MGAT4A: variants seen among roughly 807,000 people sequenced by gnomAD.
MGAT4A encodes N-acetylglucosaminyltransferase IVa.
In MGAT4A, 33 loss-of-function variants were observed where a neutral mutation model predicts 74.1. The ratio of observed to expected loss-of-function variants is 0.45; its 90% confidence interval spans 0.34 to 0.60. MGAT4A has a LOEUF of 0.60. Ranked by LOEUF, MGAT4A falls within the 20% of genes least tolerant of loss-of-function variation. MGAT4A has a pLI of 0.02. For missense variants in MGAT4A, 479 were observed against 628.3 expected, an observed-to-expected ratio of 0.76 and a Z score of 2.54; for synonymous variants, 198 against 210.4, an observed-to-expected ratio of 0.94 and a Z score of 0.51.
chr2:98,698,031 C>T (rs534283169), intron 2 of MGAT4A, among the ~76,000 whole-genome samples: 9 of 152,246 alleles, frequency 5.9e-5, no homozygotes, highest in African/African-American at 1.9e-4. Flanking sequence ...GAAAAGATGG[C>T]CATTCTCTTT....
At chr2:98,693,445 G>A (rs1355377410) in intron 2 of MGAT4A, among the ~76,000 whole-genome samples, 3 of 152,066 alleles carry the variant, frequency 2.0e-5, no homozygotes, top group Non-Finnish European at 2.9e-5. Flanking sequence ...GATGGTTGAG[G>A]CAAAAAGGTA....
At chr2:98,693,251 T>C (rs1242669549) in intron 2 of MGAT4A, among the ~76,000 whole-genome samples, 1 of 151,710 alleles carries the variant, frequency 6.6e-6, no homozygotes, top group Non-Finnish European at 1.5e-5. Context: ...GATATTCTTA[T>C]AAAAAAGAAA....
At chr2:98,711,492 A>G (rs978150239) in intron 2 of MGAT4A, among the ~76,000 whole-genome samples, 2 of 152,160 alleles carry the variant, frequency 1.3e-5, no homozygotes, top group African/African-American at 2.4e-5. Flanking sequence ...AGGAAGGTTT[A>G]GAGATGAAGA....
intron 12 of MGAT4A, among the ~76,000 whole-genome samples, chr2:98,637,933 G>A (rs1031254410): frequency 6.6e-6 from 1 of 152,290 alleles, no homozygotes; most frequent in South Asian, 2.1e-4. Flanking sequence ...AAAAGGTTAC[G>A]TGGGAATTCT....
In MGAT4A at chr2:98,642,442, A is replaced by G. The variant is rs1019657942; in HGVS notation, c.1020+1481T>C. Among the ~76,000 whole-genome samples the G allele has an allele frequency of 1.8e-4, 27 of 152,356 alleles. No homozygotes were observed. The East Asian group carries it at 4.2e-3, about 24-fold the overall frequency. Reference sequence around the variant, plus strand: ...AAGCAACTGAAGAATTAGAGGCCACACAAAAACATGGACTACAGAAGAGTG... The same window carrying G: ...AAGCAACTGAAGAATTAGAGGCCACGCAAAAACATGGACTACAGAAGAGTG... On this transcript the variant is annotated intron_variant, in intron 10 of 15. Transcript: ENST00000393487.
At chr2:98,702,696 G>A (rs376207781) in intron 2 of MGAT4A, among the ~76,000 whole-genome samples, 1 of 152,204 alleles carries the variant, frequency 6.6e-6, no homozygotes, top group Non-Finnish European at 1.5e-5. Flanking sequence ...GGCTCGAGGT[G>A]TTTGACTACA....
chr2:98,723,569 A>C (rs1472406893), intron 2 of MGAT4A, among the ~76,000 whole-genome samples: 1 of 152,164 alleles, frequency 6.6e-6, no homozygotes, highest in Non-Finnish European at 1.5e-5. Flanking sequence ...GAATCCATAC[A>C]AGAACCTTGC....
At chr2:98,722,781 A>G (rs1277673057) in intron 2 of MGAT4A, among the ~76,000 whole-genome samples, 1 of 152,036 alleles carries the variant, frequency 6.6e-6, no homozygotes, top group Non-Finnish European at 1.5e-5. Flanking sequence ...TGTTTACTAC[A>G]TGTTTACTAA....
chr2:98,702,053 C>T (rs1702361970), intron 2 of MGAT4A, among the ~76,000 whole-genome samples: 1 of 152,190 alleles, frequency 6.6e-6, no homozygotes, highest in Non-Finnish European at 1.5e-5. Context: ...CAAAAACAAC[C>T]TAGTTGGTGC....
At chr2:98,655,185 G>A (rs1385613577) in intron 8 of MGAT4A, among the ~76,000 whole-genome samples, 1 of 152,120 alleles carries the variant, frequency 6.6e-6, no homozygotes. Context: ...AAGAGAAGAT[G>A]GGGGAATGGG....
chr2:98,691,438 CA>C (rs111542304), intron 2 of MGAT4A, among the ~76,000 whole-genome samples: 104 of 144,392 alleles, frequency 7.2e-4, no homozygotes, highest in Middle Eastern at 3.6e-3. Context: ...AGCTCTGTCT[CA>C]AAAAAAAAAA....
At chr2:98,694,737 T>C (rs1157530896) in intron 2 of MGAT4A, 1 of 152,246 alleles carries the variant, frequency 6.6e-6, no homozygotes, top group Non-Finnish European at 1.5e-5. Context: ...GGTAGGAGAA[T>C]CACTTGAACC....
At chr2:98,682,422 C>CAAAAAAAAAAAAA in intron 2 of MGAT4A, among the ~76,000 whole-genome samples, 1 of 36,456 alleles carries the variant, frequency 2.7e-5, no homozygotes, top group Non-Finnish European at 4.8e-5. Flanking sequence ...AATTCCATCT[C>CAAAAAAAAAAAAA]AAAAAAAAAA....
intron 6 of MGAT4A, 133 bp downstream of exon 6, chr2:98,658,085 A>G (rs1233150154): frequency 3.2e-6 from 2 of 631,026 alleles, no homozygotes; most frequent in Non-Finnish European, 5.6e-6. Context: ...TCAAATACCA[A>G]TCAGAGGTGA....
At chr2:98,663,317 A>G in intron 4 of MGAT4A, 138 bp from the exon 5 acceptor site, 1 of 1,527,504 alleles carries the variant, frequency 6.5e-7, no homozygotes, top group South Asian at 1.2e-5. Context: ...TTCAGGAAGA[A>G]AAATAAAGAA....
At chr2:98,709,844 T>C (rs960822730) in intron 2 of MGAT4A, among the ~76,000 whole-genome samples, 11 of 152,220 alleles carry the variant, frequency 7.2e-5, no homozygotes, top group African/African-American at 2.2e-4. Context: ...TGGCAAACTC[T>C]TTCCCTAGCC....
chr2:98,644,759 G>C (rs1011783649), intron 9 of MGAT4A, among the ~76,000 whole-genome samples: 1 of 151,824 alleles, frequency 6.6e-6, no homozygotes, highest in East Asian at 1.9e-4. Flanking sequence ...TCAGCCTCCC[G>C]GGGAGCTAGG....
chr2:98,719,479 G>T (rs1702635466), intron 2 of MGAT4A, among the ~76,000 whole-genome samples: 1 of 152,094 alleles, frequency 6.6e-6, no homozygotes, highest in Admixed American at 6.5e-5. Flanking sequence ...AGTACCCCAG[G>T]TTGCTAAAAT....
At position 98,656,484 on chromosome 2, in the gene MGAT4A, C is replaced by T; in HGVS notation, c.585-19G>A. 1 of 1,508,202 alleles carries T rather than the reference C, an allele frequency of 6.6e-7. No homozygotes were observed. The allele number at this position is 1,508,202 out of a possible 1,614,324, so 93.4% of individuals were successfully genotyped here. On this transcript the variant is annotated intron_variant, in intron 6 of 15. Coordinates refer to ENST00000393487, the MANE Select transcript of MGAT4A (RefSeq NM_012214.3). The stretch of plus-strand genomic sequence containing the variant: ...AGAAAATCTATTATGAGAAAGTTAG[C>T]TGAGTTACTTAAGTTCTGTGGGATT...
Sources: allele counts gnomAD v4.1 joint callset (sites outside exome capture counted in the v4.1 genomes callset), GRCh38; gene constraint gnomAD v4.1.1; transcripts MANE v1.5; gene names NCBI Gene and HGNC (gene_info 2026-07-23, HGNC 2026-07-21).